Variants in ADAMTS9 observed in about 807,000 individuals in gnomAD.
ADAMTS9 encodes the protein ADAM metallopeptidase with thrombospondin type 1 motif 9.
In ADAMTS9, 107 loss-of-function variants were observed where a neutral mutation model predicts 257.1. The observed-to-expected ratio is 0.42, with a 90% CI of 0.36 to 0.49. The LOEUF (loss-of-function observed/expected upper bound fraction) is 0.49, where lower values mean the gene tolerates loss of function less well. Ranked by LOEUF, ADAMTS9 falls within the 20% of genes least tolerant of loss-of-function variation. The pLI, the probability that ADAMTS9 is intolerant of heterozygous loss-of-function variation, is 0.03. For synonymous variants in ADAMTS9, 982 were observed against 880.9 expected (o/e 1.11, Z -2.03); for missense variants, 2,353 against 2,469.1 (o/e 0.95, Z 1.00).
At chr3:64,527,500 A>T (rs7628095) in intron 38 of ADAMTS9, among the ~76,000 whole-genome samples, 95,347 of 151,898 alleles carry the variant, frequency 0.63, 35,296 homozygotes, top group Non-Finnish European at 0.85. Context: ...GATTTTGATA[A>T]GAAAATCCAT....
chr3:64,539,631 G>T (rs978953008), intron 36 of ADAMTS9, among the ~76,000 whole-genome samples: 2 of 152,138 alleles, frequency 1.3e-5, no homozygotes, highest in Non-Finnish European at 2.9e-5. Flanking sequence ...TAAATGTAGC[G>T]TAATTGGCTG....
At chr3:64,672,227 C>G (rs1389428056) in intron 3 of ADAMTS9, among the ~76,000 whole-genome samples, 1 of 152,164 alleles carries the variant, frequency 6.6e-6, no homozygotes, top group Non-Finnish European at 1.5e-5. Context: ...AGTATTCACC[C>G]TTGTAGCACC....
chr3:64,541,290 T>C, intron 35 of ADAMTS9, 30 bp downstream of exon 35: 1 of 1,613,428 alleles, frequency 6.2e-7, no homozygotes, highest in South Asian at 1.1e-5. Flanking sequence ...TCTCCAGGCC[T>C]CTGAGATCTT....
chr3:64,633,895 T>C lies in ADAMTS9; in HGVS notation c.1857-16A>G. On this transcript the variant is annotated splice_polypyrimidine_tract_variant and intron_variant, in intron 12 of 39. Transcript: ENST00000498707. ...ATTTTTTGGTCTGAAAAAGAAAAAA[T>C]GTGAAGAGCACACACACTGTATTAT... 6.2e-7 allele frequency: 1 copy of C among 1,602,528 alleles called. No individual in the cohort carries two copies. The highest frequency in any genetic ancestry group is 1.1e-5 in the South Asian group (1 of 88,740).
At chr3:64,641,194 A>G (rs534494038) in intron 12 of ADAMTS9, among the ~76,000 whole-genome samples, 1 of 150,762 alleles carries the variant, frequency 6.6e-6, no homozygotes, top group East Asian at 1.9e-4. Context: ...AAAATGTCCA[A>G]TTTTTTTGTT....
chr3:64,659,596 T>G (rs1701176314), intron 3 of ADAMTS9, among the ~76,000 whole-genome samples: 1 of 151,292 alleles, frequency 6.6e-6, no homozygotes, highest in Non-Finnish European at 1.5e-5. Flanking sequence ...CTGTAGAAAA[T>G]GCACAACCAG....
In ADAMTS9 at chr3:64,607,085, A is replaced by G; in HGVS notation, c.3355-6T>C. 6.2e-7 allele frequency: 1 copy of G among 1,613,558 alleles called. No homozygotes were observed. Among genetic ancestry groups the G allele is most frequent in the South Asian group, 1.1e-5 (1 of 91,044 alleles). On this transcript the variant is annotated splice_polypyrimidine_tract_variant and splice_region_variant and intron_variant, in intron 22 of 39. Coordinates refer to ENST00000498707, the MANE Select transcript of ADAMTS9 (RefSeq NM_182920.2). ...TGTCCACAAGTGACACTGCACTGGA[A>G]GAAGGAGGACAAAAGGTATATACAA...
At chr3:64,599,976 G>A (rs1255954762) in intron 26 of ADAMTS9, among the ~76,000 whole-genome samples, 1 of 151,098 alleles carries the variant, frequency 6.6e-6, no homozygotes, top group Admixed American at 6.6e-5. Flanking sequence ...CCCTGAAGAT[G>A]CTCTGGTCCC....
At chr3:64,659,017 T>C (rs1193625966) in intron 3 of ADAMTS9, among the ~76,000 whole-genome samples, 1 of 152,214 alleles carries the variant, frequency 6.6e-6, no homozygotes, top group East Asian at 1.9e-4. Flanking sequence ...CTTACGGTAT[T>C]AGAAAATCAG....
At chr3:64,679,983 T>G (rs1701713651) in intron 3 of ADAMTS9, among the ~76,000 whole-genome samples, 1 of 152,244 alleles carries the variant, frequency 6.6e-6, no homozygotes. Flanking sequence ...TTTAGTTATA[T>G]TCCATCTTGT....
intron 16 of ADAMTS9, among the ~76,000 whole-genome samples, chr3:64,627,645 A>G (rs189400595): frequency 9.9e-5 from 15 of 152,260 alleles, no homozygotes; most frequent in African/African-American, 3.1e-4. Context: ...TTTCCTGAAA[A>G]CAAGAGCCTA....
intron 30 of ADAMTS9, among the ~76,000 whole-genome samples, chr3:64,556,752 T>TCCTTCCTTCCTTCCTTCCTC (rs1276180644): frequency 6.7e-6 from 1 of 148,232 alleles, no homozygotes; most frequent in African/African-American, 2.5e-5. Flanking sequence ...CTTCCTTCCT[T>TCCTTCCTTCCTTCCTTCCTC]CCTCCCTCCC....
Position 64,596,980 on chromosome 3 carries a change from G to C in ADAMTS9, c.4029C>G (p.Thr1343=). ...RTGPWGACSS[T]CAGGSQRRVV... is the part of the protein sequence containing the mutation. ...CACGCCGCTGGGATCCGCCAGCACA[G>C]GTACTGGAACACTAAACACATCAGT... is the stretch of plus-strand genomic sequence containing the variant. The change falls in exon 27 of 40, where the codon ACC becomes ACG. Residue 1343 remains threonine, a synonymous_variant. Coordinates refer to ENST00000498707, the MANE Select transcript of ADAMTS9 (RefSeq NM_182920.2). 1 of 1,613,660 alleles carries C rather than the reference G, an allele frequency of 6.2e-7. No homozygotes were observed. The highest frequency in any genetic ancestry group is 8.5e-7 in the Non-Finnish European group (1 of 1,179,810).
intron 31 of ADAMTS9, 117 bp from the exon 32 acceptor site, chr3:64,547,069 C>A: frequency 1.2e-6 from 1 of 868,676 alleles, no homozygotes; most frequent in East Asian, 2.6e-5. Context: ...AAAGCTCCCA[C>A]TTCATTAGCT....
At chr3:64,658,827 G>A (rs533377061) in intron 3 of ADAMTS9, 36 bp from the exon 4 acceptor site, 12 of 1,561,256 alleles carry the variant, frequency 7.7e-6, no homozygotes, top group African/African-American at 1.4e-5. Flanking sequence ...TACATTTCAA[G>A]CCACATCTAT....
chr3:64,635,130 C>T (rs1050611266), intron 12 of ADAMTS9, among the ~76,000 whole-genome samples: 1 of 152,166 alleles, frequency 6.6e-6, no homozygotes, highest in South Asian at 2.1e-4. Context: ...GGCTTGAGCA[C>T]CCACTCTGAG....
chr3:64,611,204 T>A (rs1231069106), intron 22 of ADAMTS9, among the ~76,000 whole-genome samples: 1 of 151,306 alleles, frequency 6.6e-6, no homozygotes, highest in East Asian at 1.9e-4. Flanking sequence ...TAAATATTCA[T>A]AGCAGCACTA....
At chr3:64,653,637 A>C (rs1273363653) in intron 8 of ADAMTS9, among the ~76,000 whole-genome samples, 1 of 152,160 alleles carries the variant, frequency 6.6e-6, no homozygotes, top group African/African-American at 2.4e-5. Context: ...CTTTCAGAAA[A>C]TTATTTCGAA....
chr3:64,541,705 C>G (rs1016727759), intron 33 of ADAMTS9, 85 bp from the exon 34 acceptor site: 2 of 1,556,866 alleles, frequency 1.3e-6, no homozygotes, highest in Non-Finnish European at 1.8e-6. Context: ...ATTGTTCGCA[C>G]TAAAACTTTT....
Sources: allele counts gnomAD v4.1 joint callset (sites outside exome capture counted in the v4.1 genomes callset), GRCh38; gene constraint gnomAD v4.1.1; transcripts MANE v1.5; gene names NCBI Gene and HGNC (gene_info 2026-07-23, HGNC 2026-07-21).